SH3RF3: variants seen among roughly 807,000 people sequenced by gnomAD.
SH3RF3 encodes SH3 domain containing ring finger 3, also known as E3 ubiquitin-protein ligase SH3RF3.
SH3RF3 carries 29 observed loss-of-function variants against 66.3 expected under a neutral mutation model. The observed-to-expected ratio is 0.44, with a 90% CI of 0.33 to 0.60. The LOEUF (loss-of-function observed/expected upper bound fraction) is 0.60. SH3RF3 is among the 20% of genes least tolerant of loss of function. The pLI, the probability that SH3RF3 is intolerant of heterozygous loss-of-function variation, is 0.04. For synonymous variants in SH3RF3, 583 were observed against 532.0 expected, an observed-to-expected ratio of 1.10 and a Z score of -1.32; for missense variants, 1,194 against 1,190.9, an observed-to-expected ratio of 1.00 and a Z score of -0.04.
chr2:109,389,011 C>T (rs753138321), intron 3 of SH3RF3, among the ~76,000 whole-genome samples: 2 of 152,218 alleles, frequency 1.3e-5, no homozygotes, highest in Non-Finnish European at 2.9e-5. Flanking sequence ...ATGCACCATC[C>T]CTCCAGCTAC....
intron 2 of SH3RF3, among the ~76,000 whole-genome samples, chr2:109,356,558 C>T (rs1574594479): frequency 6.6e-6 from 1 of 152,228 alleles, no homozygotes; most frequent in African/African-American, 2.4e-5. Flanking sequence ...CAGGCCCCCT[C>T]CTCCTCCTTG....
intron 8 of SH3RF3, among the ~76,000 whole-genome samples, chr2:109,454,425 G>A (rs1677978236): frequency 6.6e-6 from 1 of 152,172 alleles, no homozygotes; most frequent in South Asian, 2.1e-4. Flanking sequence ...CCTCAGGAAG[G>A]CTTGAGCACA....
intron 8 of SH3RF3, among the ~76,000 whole-genome samples, chr2:109,472,442 C>T (rs1267707558): frequency 6.6e-6 from 1 of 152,128 alleles, no homozygotes; most frequent in African/African-American, 2.4e-5. Flanking sequence ...TGCGGGGCTT[C>T]CCGACGGGGC....
At chr2:109,501,041 G>T (rs961916116) in intron 9 of SH3RF3, among the ~76,000 whole-genome samples, 2 of 152,248 alleles carry the variant, frequency 1.3e-5, no homozygotes, top group African/African-American at 4.8e-5. Flanking sequence ...CTGCAGTTGA[G>T]GAGCGTGCTT....
chr2:109,366,673 A>G (rs939772118), intron 2 of SH3RF3, among the ~76,000 whole-genome samples: 3 of 152,128 alleles, frequency 2.0e-5, no homozygotes, highest in African/African-American at 7.2e-5. Flanking sequence ...GCATAGTGAG[A>G]CCTTGTCTCT....
intron 1 of SH3RF3, among the ~76,000 whole-genome samples, chr2:109,162,040 C>T (rs1426136167): frequency 6.6e-6 from 1 of 152,098 alleles, no homozygotes; most frequent in African/African-American, 2.4e-5. Flanking sequence ...TGGGATGTGT[C>T]CTCAGGATCT....
chr2:109,422,167 G>A (rs566333718), intron 5 of SH3RF3, among the ~76,000 whole-genome samples: 3 of 152,180 alleles, frequency 2.0e-5, no homozygotes, highest in African/African-American at 7.2e-5. Context: ...TTGAACATGA[G>A]ATGTGCTGTC....
intron 1 of SH3RF3, among the ~76,000 whole-genome samples, chr2:109,214,725 G>T (rs954143340): frequency 3.3e-5 from 5 of 152,208 alleles, no homozygotes; most frequent in Admixed American, 6.5e-5. Context: ...CACTCCAGCT[G>T]CAACTCTGGT....
chr2:109,435,250 C>T (rs1677367027), intron 6 of SH3RF3, among the ~76,000 whole-genome samples: 1 of 152,218 alleles, frequency 6.6e-6, no homozygotes. Flanking sequence ...CAGCACAAAA[C>T]AGGAAATCTG....
intron 1 of SH3RF3, among the ~76,000 whole-genome samples, chr2:109,138,057 C>A (rs1326301820): frequency 6.6e-6 from 1 of 152,162 alleles, no homozygotes; most frequent in African/African-American, 2.4e-5. Flanking sequence ...GCTCTGTTAC[C>A]CTAGCTGGAG....
At chr2:109,212,094 T>C (rs369113698) in intron 1 of SH3RF3, among the ~76,000 whole-genome samples, 18 of 152,268 alleles carry the variant, frequency 1.2e-4, no homozygotes, top group African/African-American at 4.1e-4. Flanking sequence ...AGCTGGTGAA[T>C]GGGTGGTTGG....
intron 1 of SH3RF3, among the ~76,000 whole-genome samples, chr2:109,153,953 A>G (rs1677280343): frequency 6.6e-6 from 1 of 152,242 alleles, no homozygotes; most frequent in African/African-American, 2.4e-5. Context: ...TAAGAATTTC[A>G]TTACGTGACC....
intron 4 of SH3RF3, among the ~76,000 whole-genome samples, chr2:109,406,468 T>G (rs1676456145): frequency 6.6e-6 from 1 of 152,074 alleles, no homozygotes; most frequent in Non-Finnish European, 1.5e-5. Flanking sequence ...CACCAAGCTG[T>G]GAATGCTTGC....
chr2:109,326,211 GCTT>G (rs1682151687), intron 1 of SH3RF3, among the ~76,000 whole-genome samples: 1 of 152,156 alleles, frequency 6.6e-6, no homozygotes. Flanking sequence ...TCTGTAACTT[GCTT>G]CTTCCACCCA....
chr2:109,356,829 A>G (rs1019031711), intron 2 of SH3RF3, among the ~76,000 whole-genome samples: 7 of 152,130 alleles, frequency 4.6e-5, no homozygotes, highest in Non-Finnish European at 7.4e-5. Flanking sequence ...GTTCTTCAGC[A>G]TGGTAATGAT....
At chr2:109,187,550 T>A (rs1010213538) in intron 1 of SH3RF3, among the ~76,000 whole-genome samples, 12 of 152,148 alleles carry the variant, frequency 7.9e-5, no homozygotes, top group African/African-American at 2.9e-4. Context: ...GTGTTCCAGC[T>A]CCTAAGGTGT....
intron 1 of SH3RF3, among the ~76,000 whole-genome samples, chr2:109,140,003 G>C (rs966193547): frequency 3.3e-5 from 5 of 152,158 alleles, no homozygotes; most frequent in Non-Finnish European, 5.9e-5. Context: ...ATTGATCAGA[G>C]GTAGTGACTC....
At position 109,129,260 on chromosome 2, in the gene SH3RF3, G is replaced by T. The variant is rs1676615279; in HGVS notation, c.-281G>T. The T allele has an allele frequency of 3.4e-6, 2 of 590,998 alleles. No individual in the cohort carries two copies. The highest frequency in any genetic ancestry group is 6.0e-6 in the Non-Finnish European group (2 of 333,994). 36.6% of individuals were successfully genotyped at this position (590,998 alleles called of 1,614,324 possible). ...CACCCCCGGTCCCCCGCGCGGGGCG[G>T]ACTTGCGGCGGGACAGGTGTAGCCC... On this transcript the variant is annotated 5_prime_UTR_variant, in exon 1 of 10. Coordinates refer to ENST00000309415, the MANE Select transcript of SH3RF3 (RefSeq NM_001099289.3).
intron 1 of SH3RF3, among the ~76,000 whole-genome samples, chr2:109,280,062 C>A (rs1012962463): frequency 6.6e-6 from 1 of 152,168 alleles, no homozygotes; most frequent in Admixed American, 6.5e-5. Context: ...AGGCTCCCCT[C>A]CTATTTTTTT....
Sources: allele counts gnomAD v4.1 joint callset (sites outside exome capture counted in the v4.1 genomes callset), GRCh38; gene constraint gnomAD v4.1.1; transcripts MANE v1.5; gene names NCBI Gene and HGNC (gene_info 2026-07-23, HGNC 2026-07-21).